Variants in IFT172 observed in about 807,000 individuals in gnomAD.
IFT172 encodes the protein intraflagellar transport protein 172 homolog.
A neutral mutation model predicts 248.9 loss-of-function variants in IFT172; 164 were observed. The observed-to-expected ratio is 0.66, with a 90% CI of 0.58 to 0.75. IFT172 has a LOEUF of 0.75. Ranked by LOEUF, IFT172 falls within the 30% of genes least tolerant of loss-of-function variation. IFT172 has a pLI of 0.00. For synonymous variants in IFT172, 729 were observed against 791.6 expected, an observed-to-expected ratio of 0.92 and a Z score of 1.33; for missense variants, 1,950 against 2,192.4, an observed-to-expected ratio of 0.89 and a Z score of 2.21.
chr2:27,479,019 T>G (rs1442243996), intron 10 of IFT172, among the ~76,000 whole-genome samples: 1 of 152,180 alleles, frequency 6.6e-6, no homozygotes, highest in Non-Finnish European at 1.5e-5. Flanking sequence ...TTTTCTTTTT[T>G]TTTGAGACAG....
At chr2:27,458,096 C>T in intron 27 of IFT172, 30 bp downstream of exon 27, 2 of 1,612,202 alleles carry the variant, frequency 1.2e-6, no homozygotes, top group Non-Finnish European at 1.7e-6. Context: ...TCTCATCTCC[C>T]TCTACACCTC....
At chr2:27,483,976 G>C (rs1188027956) in intron 4 of IFT172, 39 bp from the exon 5 acceptor site, 2 of 1,570,454 alleles carry the variant, frequency 1.3e-6, no homozygotes, top group South Asian at 2.2e-5. Context: ...AACCCCATCT[G>C]TGTGGGCCAG....
In IFT172 at chr2:27,465,513, G is replaced by A; in HGVS notation, c.1835C>T (p.Thr612Ile). 6.2e-7 allele frequency: 1 copy of A among 1,614,096 alleles called. No individual in the cohort carries two copies. The highest frequency in any genetic ancestry group is 8.5e-7 in the Non-Finnish European group (1 of 1,179,986). The change falls in exon 18 of 48, where the codon ACA (threonine) becomes ATA (isoleucine). Residue 612 changes from threonine (T) to isoleucine (I), a missense_variant. Transcript: ENST00000260570. ...CATTTCCAGAGTCTCTAAGAAGGCTGTTGCCCTGGAAAGGGAAGGAAGCAA... is the reference window on the plus strand; with the variant it reads ...CATTTCCAGAGTCTCTAAGAAGGCTATTGCCCTGGAAAGGGAAGGAAGCAA... ...AIDDGNYIRA[T>I]AFLETLEMTP...
chr2:27,448,783 C>T (rs1044161057), intron 40 of IFT172, 132 bp downstream of exon 40: 9 of 680,564 alleles, frequency 1.3e-5, no homozygotes, highest in African/African-American at 3.5e-5. Context: ...TCTGGAGATG[C>T]GTGGGGGGCT....
chr2:27,471,280 T>C (rs1249298433), intron 15 of IFT172, 185 bp from the exon 16 acceptor site: 3 of 528,340 alleles, frequency 5.7e-6, no homozygotes, highest in Admixed American at 3.9e-5. Context: ...AAGTAAGAGA[T>C]GACCCATAGA....
intron 16 of IFT172, among the ~76,000 whole-genome samples, chr2:27,470,309 GAGAGAA>G (rs1667463394): frequency 6.7e-6 from 1 of 150,144 alleles, no homozygotes; most frequent in South Asian, 2.1e-4. Flanking sequence ...AAGAGAGAAG[GAGAGAA>G]AGAGAAAGAA....
chr2:27,446,346 C>T lies in IFT172; in HGVS notation c.4669G>A (p.Ala1557Thr), dbSNP rs1413564897. The T allele has an allele frequency of 6.2e-7, 1 of 1,614,182 alleles. No homozygotes were observed. ...AQSVKQLETV[A>T]ARLSVSLLRH... is the part of the protein sequence containing the mutation. ...AAGAGTGAAACAGAAAGCCTGGCAG[C>T]CACGGTTTCCTGGGATTAAAGTCAA... is the stretch of plus-strand genomic sequence containing the variant. The change falls in exon 43 of 48, where the codon GCT becomes ACT. Residue 1557 changes from alanine (A) to threonine (T), a missense_variant. Ala to Thr is a moderately conservative substitution (Grantham distance 58). Around this residue, in one of 3 missense-constraint regions of IFT172, gnomAD observed 620 missense variants for 699.0 expected, o/e 0.89. Coordinates refer to ENST00000260570, the MANE Select transcript of IFT172 (RefSeq NM_015662.3).
In IFT172 at chr2:27,462,994, A is replaced by G. The variant is rs144076196; in HGVS notation, c.2022+103T>C. 342 of 1,379,926 alleles carry G rather than the reference A, an allele frequency of 2.5e-4. 2 individuals are homozygous for G. The African/African-American group carries it at 4.2e-3, about 17-fold the overall frequency. 85.5% of individuals were successfully genotyped at this position (1,379,926 alleles called of 1,614,324 possible). On this transcript the variant is annotated intron_variant, in intron 19 of 47. Transcript: ENST00000260570. ...AGGGTAAAGGTGGGGTGGGCAGGGTAAAGGAAACTGGGGATGGCTGGAAAG... is the reference window on the plus strand; with the variant it reads ...AGGGTAAAGGTGGGGTGGGCAGGGTGAAGGAAACTGGGGATGGCTGGAAAG...
At chr2:27,464,923 A>G (rs965327256) in intron 18 of IFT172, among the ~76,000 whole-genome samples, 2 of 109,600 alleles carry the variant, frequency 1.8e-5, no homozygotes, top group African/African-American at 4.7e-5. Context: ...CAGCCAAGAC[A>G]TATTTTTTTT....
chr2:27,449,744 G>C lies in IFT172; in HGVS notation c.4107C>G (p.Ile1369Met), dbSNP rs747023555. The C allele has an allele frequency of 6.2e-7, 1 of 1,613,906 alleles. No individual in the cohort carries two copies. The highest frequency in any genetic ancestry group is 8.5e-7 in the Non-Finnish European group (1 of 1,179,948). ...TCGCCTTGTTCCACTCCTCACCCTCGATGAAAGCATCGATTGCTTCCTTGA... is the reference window on the plus strand; with the variant it reads ...TCGCCTTGTTCCACTCCTCACCCTCCATGAAAGCATCGATTGCTTCCTTGA... ...DLVKEAIDAFIEGEEWNKAKR... is the reference protein window; with the variant it reads ...DLVKEAIDAFMEGEEWNKAKR... Residue 1369 changes from isoleucine to methionine, a missense_variant, in exon 37 of 48, where the codon ATC (isoleucine) becomes ATG (methionine). Physicochemically the swap from Ile to Met is conservative, Grantham distance 10. Coordinates refer to ENST00000260570, the MANE Select transcript of IFT172 (RefSeq NM_015662.3).
chr2:27,474,234 A>T (rs61308714), intron 14 of IFT172, among the ~76,000 whole-genome samples: 3,317 of 152,282 alleles, frequency 0.022, 133 homozygotes, highest in African/African-American at 0.076. Flanking sequence ...TGTTTCCATT[A>T]TAGATACCTA....
chr2:27,456,581 C>T lies in IFT172; in HGVS notation c.3301G>A (p.Glu1101Lys). The change falls in exon 30 of 48, where the codon GAG (glutamate) becomes AAG (lysine). Residue 1101 changes from glutamate (E) to lysine (K), a missense_variant. Glu to Lys is a moderately conservative substitution (Grantham distance 56). Transcript: ENST00000260570. ...AYLWAKSLGGEAAVRLLNKLG... is the reference protein window; with the variant it reads ...AYLWAKSLGGKAAVRLLNKLG... Reference sequence around the variant, plus strand: ...TTATTAAGCAGTCTAACTGCAGCCTCTCCTCCCAGGCTCTTTGCCCACAGA... The same window carrying T: ...TTATTAAGCAGTCTAACTGCAGCCTTTCCTCCCAGGCTCTTTGCCCACAGA... The T allele has an allele frequency of 6.2e-7, 1 of 1,614,184 alleles. No homozygotes were observed. The highest frequency in any genetic ancestry group is 8.5e-7 in the Non-Finnish European group (1 of 1,180,042).
chr2:27,468,597 C>T (rs1160413693), intron 16 of IFT172, among the ~76,000 whole-genome samples: 1 of 152,058 alleles, frequency 6.6e-6, no homozygotes, highest in Non-Finnish European at 1.5e-5. Context: ...CGCCTGTAAT[C>T]CCAGCACTTT....
chr2:27,460,882 TCCAAA>T, intron 23 of IFT172, 128 bp downstream of exon 23: 2 of 932,844 alleles, frequency 2.1e-6, no homozygotes, highest in Admixed American at 2.3e-5. Context: ...CTTTTTCTTT[TCCAAA>T]TCTCTCGTCC....
In IFT172 at chr2:27,445,105, C is replaced by T; in HGVS notation, c.5069G>A (p.Gly1690Glu). Residue 1690 changes from glycine (G) to glutamate (E), a missense_variant and splice_region_variant, in exon 47 of 48, where the codon GGA becomes GAA. Around this residue, in one of 3 missense-constraint regions of IFT172, gnomAD observed 620 missense variants for 699.0 expected, o/e 0.89. Transcript: ENST00000260570. This position sits in a 1 kb window ranked among gnomAD's most constrained non-coding sequence, Gnocchi z 4.4. ...AATTTTGTTCCTCAGAATGGGGTAT[C>T]CTGTGGAGGAAGAAAAAATGATGAA... ...GVRALPCLIT[G>E]YPILRNKIEF... is the part of the protein sequence containing the mutation. The T allele has an allele frequency of 6.2e-7, 1 of 1,613,782 alleles. No homozygotes were observed. The highest frequency in any genetic ancestry group is 8.5e-7 in the Non-Finnish European group (1 of 1,179,940).
chr2:27,448,160 C>T (rs1040719799), intron 40 of IFT172, among the ~76,000 whole-genome samples: 7 of 152,128 alleles, frequency 4.6e-5, no homozygotes, highest in African/African-American at 7.2e-5. Flanking sequence ...AGTGCAGTAG[C>T]ATGATCTCGG....
rs963219300 is a variant in IFT172 at position 27,485,245 on chromosome 2, G to A, written c.183+115C>T. 3.3e-6 allele frequency: 5 copies of A among 1,534,256 alleles called. No homozygotes were observed. In the African/African-American group the frequency reaches 6.9e-5, roughly 21 times the overall value. ...AAGGGAGCTTGAGGATTTATACTGAGAAAAAGGTGGGGTATGCCATTTCCT... is the reference window on the plus strand; with the variant it reads ...AAGGGAGCTTGAGGATTTATACTGAAAAAAAGGTGGGGTATGCCATTTCCT... On this transcript the variant is annotated intron_variant, in intron 2 of 47. Transcript: ENST00000260570.
chr2:27,455,796 C>A, intron 30 of IFT172: 1 of 480,346 alleles, frequency 2.1e-6, no homozygotes, highest in Non-Finnish European at 3.9e-6. Flanking sequence ...CCTCAGTTGG[C>A]ATCATGGACC....
intron 15 of IFT172, chr2:27,471,336 C>G (rs1038393657): frequency 2.7e-6 from 1 of 375,402 alleles, no homozygotes. Flanking sequence ...GAAGGTCAGA[C>G]TTTCCTTCTT....
Sources: allele counts gnomAD v4.1 joint callset (sites outside exome capture counted in the v4.1 genomes callset), GRCh38; gene constraint gnomAD v4.1.1; regional missense constraint gnomAD v4.1.1; non-coding constraint Gnocchi (gnomAD v3.1); transcripts MANE v1.5; gene names NCBI Gene and HGNC (gene_info 2026-07-23, HGNC 2026-07-21).